Variants in HELZ observed in about 807,000 individuals in gnomAD.
HELZ encodes the protein helicase with zinc finger, also known as ATP-dependent RNA helicase with zinc finger domain.
In HELZ, 23 loss-of-function variants were observed where a neutral mutation model predicts 218.2. The observed-to-expected ratio is 0.11, with a 90% CI of 0.08 to 0.15. The LOEUF is 0.15. Ranked by LOEUF, HELZ falls within the 10% of genes least tolerant of loss-of-function variation. The pLI is 1.00. For synonymous variants in HELZ, 814 were observed against 829.4 expected (o/e 0.98, Z 0.32); for missense variants, 1,813 against 2,353.7 (o/e 0.77, Z 4.75).
chr17:67,070,943 T>A lies in HELZ; in HGVS notation c.*7309A>T, dbSNP rs1248084355. 6.6e-6 allele frequency: 1 copy of A among 152,148 alleles called. No homozygotes were observed. Among genetic ancestry groups the A allele is most frequent in the African/African-American group, 2.4e-5 (1 of 41,422 alleles). The allele number at this position is 152,148 out of a possible 1,614,324, so 9.4% of individuals were successfully genotyped here. ...TTGCTAAGTAACTGATCTATGAAGT[T>A]AGCTGAACAAGTTTAGATAAGAACT... is the stretch of plus-strand genomic sequence containing the variant. On this transcript the variant is annotated 3_prime_UTR_variant, in exon 33 of 33. Coordinates refer to ENST00000358691, the MANE Select transcript of HELZ (RefSeq NM_014877.4).
chr17:67,106,662 G>A (rs2037113925), intron 31 of HELZ, among the ~76,000 whole-genome samples: 1 of 152,128 alleles, frequency 6.6e-6, no homozygotes, highest in South Asian at 2.1e-4. Flanking sequence ...GCTTAGTTTA[G>A]CACAGTCAAT....
Position 67,188,305 on chromosome 17 carries a change from A to G in HELZ, c.1162+14T>C. ...TTAACACATTGTATCGGGGGAAAAA[A>G]GTCTAAATATTACCTTCTGTAGAAG... is the stretch of plus-strand genomic sequence containing the variant. On this transcript the variant is annotated intron_variant, in intron 12 of 32. Coordinates refer to ENST00000358691, the MANE Select transcript of HELZ (RefSeq NM_014877.4). The surrounding 1 kb of genome is among the most constrained non-coding windows in gnomAD (Gnocchi z 4.1). 1 of 1,592,840 alleles carries G rather than the reference A, an allele frequency of 6.3e-7. No homozygotes were observed. The highest frequency in any genetic ancestry group is 1.7e-5 in the Admixed American group (1 of 58,530).
At chr17:67,170,624 C>T (rs2039280703) in intron 13 of HELZ, among the ~76,000 whole-genome samples, 1 of 151,324 alleles carries the variant, frequency 6.6e-6, no homozygotes, top group Admixed American at 6.6e-5. Context: ...GTCAGGAGTT[C>T]AAGACCAGCC....
intron 27 of HELZ, among the ~76,000 whole-genome samples, chr17:67,114,635 A>G (rs934057138): frequency 2.0e-5 from 3 of 152,212 alleles, no homozygotes; most frequent in Non-Finnish European, 4.4e-5. Context: ...CTAATAAGGG[A>G]AAAACCTTAA....
intron 23 of HELZ, among the ~76,000 whole-genome samples, chr17:67,132,741 T>C (rs2038026760): frequency 6.6e-6 from 1 of 152,226 alleles, no homozygotes; most frequent in Non-Finnish European, 1.5e-5. Context: ...CTATATCCAT[T>C]TTTGATTAAC....
chr17:67,135,721 A>G (rs2038128118), intron 23 of HELZ, among the ~76,000 whole-genome samples: 1 of 152,224 alleles, frequency 6.6e-6, no homozygotes, highest in Non-Finnish European at 1.5e-5. Flanking sequence ...ATGTATCTTC[A>G]GAAGCTGGAA....
intron 13 of HELZ, among the ~76,000 whole-genome samples, chr17:67,177,282 C>T (rs937830238): frequency 6.6e-6 from 1 of 152,056 alleles, no homozygotes; most frequent in Non-Finnish European, 1.5e-5. Flanking sequence ...TTAACCTCTA[C>T]AATTTTGTAG....
At chr17:67,141,398 C>A (rs56249974) in intron 21 of HELZ, among the ~76,000 whole-genome samples, 1 of 147,026 alleles carries the variant, frequency 6.8e-6, no homozygotes, top group East Asian at 2.0e-4. Flanking sequence ...TATGTACTTG[C>A]CACCCTTCTC....
In HELZ at chr17:67,149,945, G is replaced by A. The variant is rs2038623407; in HGVS notation, c.2397C>T (p.Ala799=). ...THILLDEAAQ[A]MECETIMPLA... ...GAGGCATAATGGTTTCACACTCCAT[G>A]GCCTGGGCAGCTTCATCTAATAGAA... Residue 799 remains alanine (A), a synonymous_variant, in exon 19 of 33, where the codon GCC becomes GCT. Transcript: ENST00000358691. The A allele has an allele frequency of 3.7e-6, 6 of 1,610,660 alleles. No homozygotes were observed. Among genetic ancestry groups the A allele is most frequent in the Admixed American group, 1.7e-5 (1 of 59,690 alleles).
At chr17:67,189,471 T>C in intron 11 of HELZ, 118 bp downstream of exon 11, 2 of 636,248 alleles carry the variant, frequency 3.1e-6, no homozygotes, top group Non-Finnish European at 2.8e-6. Context: ...AGAACCTATA[T>C]ATAATGTACT....
intron 3 of HELZ, among the ~76,000 whole-genome samples, chr17:67,223,091 C>CAA (rs1170812696): frequency 0.024 from 2,304 of 95,096 alleles, 60 homozygotes; most frequent in African/African-American, 0.06. Context: ...ACTAAAAATA[C>CAA]AAAAAAAAAA....
chr17:67,093,704 C>T (rs752839445), intron 31 of HELZ, among the ~76,000 whole-genome samples: 6 of 152,092 alleles, frequency 3.9e-5, no homozygotes, highest in Admixed American at 2.0e-4. Flanking sequence ...AAAGTAGATC[C>T]TGAATTTATT....
Position 67,119,210 on chromosome 17 carries a change from C to T in HELZ, c.3838+1195G>A, listed in dbSNP as rs570475906. Among the ~76,000 whole-genome samples, 7 of 152,276 alleles carry T rather than the reference C, an allele frequency of 4.6e-5. No individual in the cohort carries two copies. In the South Asian group the frequency reaches 1.5e-3, roughly 32 times the overall value. On this transcript the variant is annotated intron_variant, in intron 27 of 32. Coordinates refer to ENST00000358691, the MANE Select transcript of HELZ (RefSeq NM_014877.4). The stretch of plus-strand genomic sequence containing the variant: ...ATGTTCACATGTATGTTCACAGCAG[C>T]TCTATTCATAAGGGCCAAAAATTAG...
intron 31 of HELZ, among the ~76,000 whole-genome samples, chr17:67,090,724 G>T (rs1337880442): frequency 1.3e-5 from 2 of 152,106 alleles, no homozygotes; most frequent in Non-Finnish European, 2.9e-5. Context: ...GGTCTGTAGT[G>T]ACCCAGTCTC....
Position 67,114,342 on chromosome 17 carries a change from C to A in HELZ, c.3900G>T (p.Lys1300Asn). The A allele has an allele frequency of 6.2e-7, 1 of 1,610,498 alleles. No individual in the cohort carries two copies. The highest frequency in any genetic ancestry group is 8.5e-7 in the Non-Finnish European group (1 of 1,176,832). Reference protein sequence around the residue: ...EINKIRTPEKKPTEPKQVDLE... With the variant: ...EINKIRTPEKNPTEPKQVDLE... ...AGCATACCTGTTTTGGTTCTGTTGG[C>A]TTTTTCTCTGGTGTTCGAATCTTAT... The change falls in exon 28 of 33, where the codon AAG becomes AAT. Residue 1300 changes from lysine to asparagine, a missense_variant. By Grantham distance (94) the Lys-to-Asn change is moderately conservative. Around this residue, in one of 4 missense-constraint regions of HELZ, gnomAD observed 938 missense variants for 1,027.5 expected, o/e 0.91. Transcript: ENST00000358691.
intron 23 of HELZ, among the ~76,000 whole-genome samples, chr17:67,133,583 G>A (rs1224561079): frequency 1.3e-5 from 2 of 151,928 alleles, no homozygotes; most frequent in East Asian, 3.9e-4. Flanking sequence ...GTACAGTGGC[G>A]TGATCACTAG....
At chr17:67,087,225 C>T in intron 31 of HELZ, 144 bp from the exon 32 acceptor site, 1 of 749,508 alleles carries the variant, frequency 1.3e-6, no homozygotes, top group Non-Finnish European at 2.1e-6. Context: ...CTCCACCCTA[C>T]TCCCACCAAA....
chr17:67,222,691 C>T (rs1200526939), intron 3 of HELZ, among the ~76,000 whole-genome samples: 1 of 152,204 alleles, frequency 6.6e-6, no homozygotes, highest in Non-Finnish European at 1.5e-5. Context: ...GCACCCACTC[C>T]TTCTGAAGAA....
chr17:67,171,191 C>T (rs1447585828), intron 13 of HELZ, among the ~76,000 whole-genome samples: 2 of 152,140 alleles, frequency 1.3e-5, no homozygotes, highest in African/African-American at 4.8e-5. Context: ...CTATAAGCTC[C>T]AGCCTGCCTT....
Sources: allele counts gnomAD v4.1 joint callset (sites outside exome capture counted in the v4.1 genomes callset), GRCh38; gene constraint gnomAD v4.1.1; regional missense constraint gnomAD v4.1.1; non-coding constraint Gnocchi (gnomAD v3.1); transcripts MANE v1.5; gene names NCBI Gene and HGNC (gene_info 2026-07-23, HGNC 2026-07-21).